Variants in ARPC4 observed in about 807,000 individuals in gnomAD.
The protein encoded by ARPC4 is actin-related protein 2/3 complex subunit 4.
In ARPC4, 3 loss-of-function variants were observed where a neutral mutation model predicts 22.8. The ratio of observed to expected loss-of-function variants is 0.13; its 90% confidence interval spans 0.06 to 0.34. ARPC4 has a LOEUF of 0.34. Ranked by LOEUF, ARPC4 falls within the 10% of genes least tolerant of loss-of-function variation. The pLI is 1.00. For missense variants in ARPC4, 98 were observed against 211.0 expected, an observed-to-expected ratio of 0.46 and a Z score of 3.32; for synonymous variants, 80 against 72.5, an observed-to-expected ratio of 1.10 and a Z score of -0.52.
chr3:9,793,110 C>T lies in ARPC4; in HGVS notation c.-12C>T. The T allele has an allele frequency of 1.3e-6, 2 of 1,543,726 alleles. No individual in the cohort carries two copies. Among genetic ancestry groups the T allele is most frequent in the East Asian group, 2.5e-5 (1 of 40,684 alleles). On this transcript the variant is annotated 5_prime_UTR_variant, in exon 1 of 6. Coordinates refer to ENST00000397261, the MANE Select transcript of ARPC4 (RefSeq NM_005718.5). ...TCCGTACTTCCGCTTTCCGGCCCAG[C>T]CAGCGCCCGCGATGGTGAGAGAGCC...
chr3:9,801,731 T>C lies in ARPC4; in HGVS notation c.305T>C (p.Phe102Ser). 1 of 1,606,254 alleles carries C rather than the reference T, an allele frequency of 6.2e-7. No individual in the cohort carries two copies. The highest frequency in any genetic ancestry group is 1.1e-5 in the South Asian group (1 of 89,824). ...RFMMMRAENF[F>S]ILRRKPVEGY... ...ATGATGATGCGAGCAGAGAACTTCT[T>C]TATCCTTCGAAGGAAGCCTGTGGAG... is the stretch of plus-strand genomic sequence containing the variant. The change falls in exon 4 of 6, where the codon TTT (phenylalanine) becomes TCT (serine). Residue 102 changes from phenylalanine (F) to serine (S), a missense_variant. Transcript: ENST00000397261.
intron 2 of ARPC4, among the ~76,000 whole-genome samples, chr3:9,799,458 T>G (rs76732450): frequency 6.6e-6 from 1 of 152,110 alleles, no homozygotes; most frequent in Non-Finnish European, 1.5e-5. Flanking sequence ...TTTTTTTTTT[T>G]TTGAGATGGA....
rs1184768352 is a variant in ARPC4 at position 9,806,730 on chromosome 3, A to G, written c.*515A>G. On this transcript the variant is annotated 3_prime_UTR_variant, in exon 6 of 6. Transcript: ENST00000397261. The stretch of plus-strand genomic sequence containing the variant: ...ATTCCCAAGCCTCCTTGGCCCCAGT[A>G]TAAGTGTTGGGAACTCTCTGCCAGC... 6.1e-6 allele frequency: 1 copy of G among 164,046 alleles called. No homozygotes were observed. Among genetic ancestry groups the G allele is most frequent in the East Asian group, 1.9e-4 (1 of 5,396 alleles). 10.2% of individuals were successfully genotyped at this position (164,046 alleles called of 1,614,324 possible).
chr3:9,803,783 A>C (rs1372427375), intron 4 of ARPC4, 60 bp from the exon 5 acceptor site: 2 of 1,548,706 alleles, frequency 1.3e-6, no homozygotes, highest in South Asian at 2.3e-5. Context: ...CTCAGTTCCC[A>C]TGGGGTGCTA....
rs375796634 is a variant in ARPC4, at chr3:9,801,796, C to T, written c.330+40C>T. ...CCCATGAGTTTGCGATACCCAGGAC[C>T]CTGTTACAGAATGGCCTGGGATTGT... On this transcript the variant is annotated intron_variant, in intron 4 of 5. Coordinates refer to ENST00000397261, the MANE Select transcript of ARPC4 (RefSeq NM_005718.5). 7.1e-6 allele frequency: 11 copies of T among 1,539,520 alleles called. No homozygotes were observed. The African/African-American group carries it at 1.5e-4, about 21-fold the overall frequency.
intron 5 of ARPC4, among the ~76,000 whole-genome samples, chr3:9,804,778 C>T (rs759466758): frequency 5.3e-5 from 8 of 152,172 alleles, no homozygotes; most frequent in Admixed American, 4.6e-4. Flanking sequence ...AAATTATACC[C>T]GCTTCCCTTG....
intron 4 of ARPC4, among the ~76,000 whole-genome samples, chr3:9,802,879 G>C (rs1459090453): frequency 6.6e-6 from 1 of 150,734 alleles, no homozygotes; most frequent in Non-Finnish European, 1.5e-5. Flanking sequence ...GTGTTGGCTA[G>C]GCGGTCTCAA....
intron 3 of ARPC4, 92 bp from the exon 4 acceptor site, chr3:9,801,569 T>C: frequency 7.6e-7 from 1 of 1,315,616 alleles, no homozygotes; most frequent in Non-Finnish European, 1.0e-6. Context: ...CCTGGGAGCC[T>C]TGAAAAAACT....
chr3:9,800,464 G>A (rs115363028), intron 3 of ARPC4, among the ~76,000 whole-genome samples, 168 bp downstream of exon 3: 3,090 of 151,918 alleles, frequency 0.02, 87 homozygotes, highest in African/African-American at 0.07. Flanking sequence ...CACTCTTGTC[G>A]CCCAGGCTGG....
chr3:9,792,764 C>G, upstream of ARPC4: 1 of 1,245,694 alleles, frequency 8.0e-7, no homozygotes, highest in Non-Finnish European at 1.0e-6. Flanking sequence ...AGGGCTCGTC[C>G]GCTTCGGCTT....
Position 9,797,338 on chromosome 3 carries a change from CT to C in ARPC4, c.4-320del, listed in dbSNP as rs376863028. Among the ~76,000 whole-genome samples the C allele has an allele frequency of 4.2e-3, 647 of 152,290 alleles. 3 individuals carry two copies. The highest frequency in any genetic ancestry group is 0.015 in the African/African-American group (608 of 41,558). ...TAGTGGATATCTGTCCACTGAATGC[CT>C]GCAGTTCCCCTTCTTGCCAAGTCAT... On this transcript the variant is annotated intron_variant, in intron 1 of 5. Coordinates refer to ENST00000397261, the MANE Select transcript of ARPC4 (RefSeq NM_005718.5).
intron 3 of ARPC4, among the ~76,000 whole-genome samples, chr3:9,801,212 G>GAAAAAA (rs745696982): frequency 0.011 from 730 of 65,594 alleles, no homozygotes; most frequent in East Asian, 0.013. Context: ...TTCCATCTCA[G>GAAAAAA]AAAAAAAAAA....
chr3:9,797,955 G>T lies in ARPC4; in HGVS notation c.122+178G>T. The T allele has an allele frequency of 6.1e-6, 4 of 657,444 alleles. No homozygotes were observed. The South Asian group carries it at 7.8e-5, about 13-fold the overall frequency. The allele number at this position is 657,444 out of a possible 1,614,324, so 40.7% of individuals were successfully genotyped here. On this transcript the variant is annotated intron_variant, in intron 2 of 5. Transcript: ENST00000397261. The stretch of plus-strand genomic sequence containing the variant: ...GGAGTTAAGAAAATAGGGTCAGTGG[G>T]TTGGCAGGACAGAACCCAGGGGAAA...
chr3:9,801,789 C>A, intron 4 of ARPC4, 33 bp downstream of exon 4: 2 of 1,559,628 alleles, frequency 1.3e-6, no homozygotes, highest in East Asian at 2.3e-5. Context: ...TTTGCGATAC[C>A]CAGGACCCTG....
upstream of ARPC4, chr3:9,792,799 A>T (rs2125631731): frequency 1.6e-6 from 2 of 1,277,638 alleles, no homozygotes; most frequent in East Asian, 6.3e-5. Flanking sequence ...CCCAATCTGA[A>T]GCTGGGCTGT....
At chr3:9,792,634 G>A, upstream of ARPC4, 1 of 1,231,436 alleles carries the variant, frequency 8.1e-7, no homozygotes, top group Non-Finnish European at 1.0e-6. Context: ...GCACAGCCCG[G>A]GGCGGGAGGC....
At chr3:9,797,544 C>G (rs2078922012) in intron 1 of ARPC4, 115 bp from the exon 2 acceptor site, 1 of 1,172,622 alleles carries the variant, frequency 8.5e-7, no homozygotes, top group Non-Finnish European at 1.2e-6. Flanking sequence ...ACAGTAGTGT[C>G]TTAAGAGCCT....
chr3:9,793,218 G>A, intron 1 of ARPC4, 94 bp downstream of exon 1: 3 of 1,483,528 alleles, frequency 2.0e-6, no homozygotes, highest in Non-Finnish European at 2.7e-6. Flanking sequence ...AGGGGCGCGG[G>A]GCCGAGGGAT....
intron 4 of ARPC4, 44 bp from the exon 5 acceptor site, chr3:9,803,799 C>T (rs914498938): frequency 3.8e-6 from 6 of 1,591,566 alleles, no homozygotes; most frequent in African/African-American, 2.7e-5. Flanking sequence ...TGCTAATTCT[C>T]TCCTGTTCCT....
Sources: allele counts gnomAD v4.1 joint callset (sites outside exome capture counted in the v4.1 genomes callset), GRCh38; gene constraint gnomAD v4.1.1; transcripts MANE v1.5; gene names NCBI Gene and HGNC (gene_info 2026-07-23, HGNC 2026-07-21).